The following CATSPERT variants were observed in gnomAD, a reference collection of about 807,000 sequenced individuals.
CATSPERT encodes the protein catsper channel auxiliary subunit tau, also known as cation channel sperm-associated targeting subunit tau.
chr2:201,512,538 G>A, the CATSPERT span, among the ~76,000 whole-genome samples: 2 of 152,108 alleles, frequency 1.3e-5, no homozygotes, highest in African/African-American at 2.4e-5. Flanking sequence ...ATCATACAGT[G>A]TGTAACATTT....
At chr2:201,494,502 AGG>A in the CATSPERT span, 3 of 1,536,914 alleles carry the variant, frequency 2.0e-6, no homozygotes, top group African/African-American at 2.7e-5. Context: ...TATTGATAGT[AGG>A]ATCAGGGGCT....
the CATSPERT span, among the ~76,000 whole-genome samples, chr2:201,507,771 C>T: frequency 2.6e-5 from 4 of 152,236 alleles, no homozygotes; most frequent in South Asian, 8.3e-4. Context: ...GTTCCACAGA[C>T]TTAACAGGAA....
the CATSPERT span, among the ~76,000 whole-genome samples, chr2:201,618,114 G>C: frequency 1.1e-4 from 16 of 152,136 alleles, no homozygotes; most frequent in Admixed American, 4.6e-4. Context: ...GTTGGTGGGA[G>C]TGTAAACTAG....
the CATSPERT span, among the ~76,000 whole-genome samples, chr2:201,552,629 T>C: frequency 6.6e-6 from 1 of 152,200 alleles, no homozygotes; most frequent in African/African-American, 2.4e-5. Flanking sequence ...AGGCTATTAG[T>C]AGTTAAGTTG....
At chr2:201,570,464 TAAC>T in the CATSPERT span, among the ~76,000 whole-genome samples, 83 of 152,342 alleles carry the variant, frequency 5.4e-4, no homozygotes, top group South Asian at 2.9e-3. Context: ...TATAAATAGG[TAAC>T]AACTAATTAG....
the CATSPERT span, chr2:201,491,431 G>C: frequency 6.5e-7 from 1 of 1,537,112 alleles, no homozygotes; most frequent in Non-Finnish European, 8.7e-7. Flanking sequence ...AGGGAACTTG[G>C]CACATTTTTC....
the CATSPERT span, among the ~76,000 whole-genome samples, chr2:201,587,837 A>G: frequency 6.6e-6 from 1 of 152,184 alleles, no homozygotes; most frequent in Non-Finnish European, 1.5e-5. Context: ...CCACAAAAAT[A>G]CAAACAACCA....
the CATSPERT span, chr2:201,492,502 T>C: frequency 6.5e-7 from 1 of 1,535,886 alleles, no homozygotes. Flanking sequence ...CTTTGAAATA[T>C]CTTGTTCTAG....
the CATSPERT span, among the ~76,000 whole-genome samples, chr2:201,506,245 C>T: frequency 6.6e-6 from 1 of 151,366 alleles, no homozygotes; most frequent in Non-Finnish European, 1.5e-5. Flanking sequence ...CCAGCCTGGG[C>T]GACAGAGCGA....
the CATSPERT span, chr2:201,494,527 G>A: frequency 1.6e-5 from 25 of 1,536,666 alleles, no homozygotes; most frequent in Admixed American, 3.9e-5. Context: ...CTTATTCTCA[G>A]TTTCTAACAT....
chr2:201,604,250 T>C, the CATSPERT span, among the ~76,000 whole-genome samples: 4 of 152,050 alleles, frequency 2.6e-5, no homozygotes, highest in South Asian at 6.3e-4. Flanking sequence ...TTTCAGACTT[T>C]AGCATGATCT....
the CATSPERT span, among the ~76,000 whole-genome samples, chr2:201,513,404 G>C: frequency 6.6e-6 from 1 of 152,128 alleles, no homozygotes; most frequent in Non-Finnish European, 1.5e-5. Flanking sequence ...AGTCAGAATG[G>C]CTATTATTAA....
the CATSPERT span, among the ~76,000 whole-genome samples, chr2:201,536,790 G>A: frequency 6.6e-6 from 1 of 151,834 alleles, no homozygotes; most frequent in Non-Finnish European, 1.5e-5. Flanking sequence ...AATAAATTTA[G>A]CTTTATGAAA....
chr2:201,617,886 A>C, the CATSPERT span, among the ~76,000 whole-genome samples: 9 of 152,222 alleles, frequency 5.9e-5, no homozygotes, highest in African/African-American at 9.6e-5. Context: ...ACCCCATCAA[A>C]AAGTGGGCAA....
At chr2:201,506,408 C>T in the CATSPERT span, among the ~76,000 whole-genome samples, 10 of 152,026 alleles carry the variant, frequency 6.6e-5, no homozygotes, top group African/African-American at 2.2e-4. Context: ...TAGTATAACC[C>T]AGGAGGAATT....
At chr2:201,520,253 G>A in the CATSPERT span, among the ~76,000 whole-genome samples, 1 of 152,184 alleles carries the variant, frequency 6.6e-6, no homozygotes, top group African/African-American at 2.4e-5. Context: ...ATTAGCATTG[G>A]AGACATCCCT....
At chr2:201,492,922 A>C in the CATSPERT span, 2,835 of 1,536,592 alleles carry the variant, frequency 1.8e-3, 40 homozygotes, top group African/African-American at 0.031. Context: ...TGACTCTGAG[A>C]GTTCTTCTAG....
chr2:201,596,755 T>C, the CATSPERT span, among the ~76,000 whole-genome samples: 1 of 152,318 alleles, frequency 6.6e-6, no homozygotes, highest in East Asian at 1.9e-4. Flanking sequence ...GTTTCCAGAA[T>C]GCTTTTAAGT....
At chr2:201,519,089 A>C in the CATSPERT span, among the ~76,000 whole-genome samples, 1 of 152,196 alleles carries the variant, frequency 6.6e-6, no homozygotes, top group African/African-American at 2.4e-5. Context: ...CCTCACCTGG[A>C]AGGTTTAGTT....
Sources: allele counts gnomAD v4.1 joint callset (sites outside exome capture counted in the v4.1 genomes callset), GRCh38; gene constraint gnomAD v4.1.1; transcripts MANE v1.5; gene names NCBI Gene and HGNC (gene_info 2026-07-23, HGNC 2026-07-21).